The following STK25 variants were observed in gnomAD, a reference collection of about 807,000 sequenced individuals.
The protein encoded by STK25 is serine/threonine kinase 25, also known as serine/threonine-protein kinase 25.
Under a neutral mutation model 53.8 loss-of-function variants are expected in STK25, and 29 were observed. The observed-to-expected ratio is 0.54, with a 90% CI of 0.40 to 0.74. The LOEUF is 0.74. STK25 is among the 30% of genes least tolerant of loss of function. STK25 has a pLI of 0.00. For synonymous variants in STK25, 247 were observed against 238.3 expected, an observed-to-expected ratio of 1.04 and a Z score of -0.33; for missense variants, 420 against 568.0, an observed-to-expected ratio of 0.74 and a Z score of 2.65.
At chr2:241,505,356 AG>A (rs2065762593) in intron 2 of STK25, among the ~76,000 whole-genome samples, 1 of 152,066 alleles carries the variant, frequency 6.6e-6, no homozygotes. Context: ...AAAGACCCCA[AG>A]GGAGTCCTCC....
chr2:241,508,864 G>T (rs2066016256), upstream of STK25, among the ~76,000 whole-genome samples: 1 of 152,160 alleles, frequency 6.6e-6, no homozygotes, highest in Non-Finnish European at 1.5e-5. Context: ...TCCCTGCCTC[G>T]CCCTCGCGGG....
In STK25 at chr2:241,493,161, G is replaced by GT; in HGVS notation, c.*2500dup. Reference sequence around the variant, plus strand: ...ATGCTTTGCCCACACACCCTGTGCTGTGTGAACAGGGAAACTGGCTCCCTT... The same window carrying GT: ...ATGCTTTGCCCACACACCCTGTGCTGTTGTGAACAGGGAAACTGGCTCCCTT... On this transcript the variant is annotated 3_prime_UTR_variant, in exon 12 of 12. Transcript: ENST00000316586. 1 of 1,191,364 alleles carries GT rather than the reference G, an allele frequency of 8.4e-7. No individual in the cohort carries two copies. The highest frequency in any genetic ancestry group is 1.5e-5 in the African/African-American group (1 of 66,416). The allele number at this position is 1,191,364 out of a possible 1,614,324, so 73.8% of individuals were successfully genotyped here.
At chr2:241,506,881 A>T (rs2065862599) in intron 2 of STK25, among the ~76,000 whole-genome samples, 1 of 152,258 alleles carries the variant, frequency 6.6e-6, no homozygotes, top group Admixed American at 6.5e-5. Flanking sequence ...CTGTTAGCTT[A>T]ATTCAGCAAC....
rs34502835 is a variant in STK25 at position 241,500,219 on chromosome 2, G to C, written c.381C>G (p.Gly127=). Residue 127 remains glycine, a synonymous_variant, in exon 5 of 12, where the codon GGC becomes GGG. Transcript: ENST00000316586. ...TGCGTTCGGAGTGCAGATAATCCAG[G>C]CCCTTCAGAATCTCCCGCAGGATCG... ...IATILREILK[G]LDYLHSERKI... The C allele has an allele frequency of 1.4e-3, 2,181 of 1,614,048 alleles. 25 individuals carry two copies. In the African/African-American group the frequency reaches 0.025, roughly 18 times the overall value.
intron 2 of STK25, among the ~76,000 whole-genome samples, chr2:241,507,558 C>G (rs762230372): frequency 2.0e-5 from 3 of 152,246 alleles, no homozygotes; most frequent in Non-Finnish European, 4.4e-5. Context: ...CTCAGCCCCT[C>G]AGCGCCCGCC....
chr2:241,494,177 AG>A lies in STK25; in HGVS notation c.*1484del, dbSNP rs1019556729. ...AACTACAAAGAACAGCAGGACACAG[AG>A]GTGACCTCTGTCCTGAGGCTTCTCA... On this transcript the variant is annotated 3_prime_UTR_variant, in exon 12 of 12. Coordinates refer to ENST00000316586, the MANE Select transcript of STK25 (RefSeq NM_001271977.2). The surrounding 1 kb of genome is among the most constrained non-coding windows in gnomAD (Gnocchi z 4.9). The A allele has an allele frequency of 8.6e-7, 1 of 1,163,940 alleles. No individual in the cohort carries two copies. Among genetic ancestry groups the A allele is most frequent in the Non-Finnish European group, 1.2e-6 (1 of 843,920 alleles). 72.1% of individuals were successfully genotyped at this position (1,163,940 alleles called of 1,614,324 possible). A position where few individuals can be genotyped will look rare whatever the true frequency, so the allele number is the denominator to read the frequency against.
rs1315040923 is a variant in STK25 at position 241,498,988 on chromosome 2, C to A, written c.771+1G>T. ...GGGACCGGGCCAGAGGCGGGCCTTACGAATCGGGGGTCTTTGTTGAGGCAG... is the reference window on the plus strand; with the variant it reads ...GGGACCGGGCCAGAGGCGGGCCTTAAGAATCGGGGGTCTTTGTTGAGGCAG... On this transcript the variant is annotated splice_donor_variant, in intron 7 of 11. Coordinates refer to ENST00000316586, the MANE Select transcript of STK25 (RefSeq NM_001271977.2). LOFTEE classifies it high-confidence loss of function. 1.2e-6 allele frequency: 2 copies of A among 1,613,530 alleles called. No homozygotes were observed. The highest frequency in any genetic ancestry group is 1.7e-5 in the Admixed American group (1 of 60,020).
chr2:241,503,812 C>G (rs915973315), intron 2 of STK25, among the ~76,000 whole-genome samples: 1 of 152,044 alleles, frequency 6.6e-6, no homozygotes, highest in African/African-American at 2.4e-5. Context: ...CTGCGGAGAC[C>G]GTGCCCACCA....
chr2:241,494,065 G>T lies in STK25; in HGVS notation c.*1597C>A, dbSNP rs1046015046. Reference sequence around the variant, plus strand: ...CAGCCGGGAGGGCCCCAAGCATCGTGCAGGATGGCCCCCAACCCTCCTCAG... The same window carrying T: ...CAGCCGGGAGGGCCCCAAGCATCGTTCAGGATGGCCCCCAACCCTCCTCAG... On this transcript the variant is annotated 3_prime_UTR_variant, in exon 12 of 12. Transcript: ENST00000316586. This position sits in a 1 kb window ranked among gnomAD's most constrained non-coding sequence, Gnocchi z 4.9. 2.1e-6 allele frequency: 3 copies of T among 1,440,042 alleles called. No homozygotes were observed. Among genetic ancestry groups the T allele is most frequent in the Non-Finnish European group, 1.8e-6 (2 of 1,098,978 alleles). 89.2% of individuals were successfully genotyped at this position (1,440,042 alleles called of 1,614,324 possible).
intron 2 of STK25, among the ~76,000 whole-genome samples, chr2:241,502,524 A>G (rs949187430): frequency 6.6e-6 from 1 of 152,074 alleles, no homozygotes; most frequent in Non-Finnish European, 1.5e-5. Context: ...GATCACCTGA[A>G]GTCAGGAGTT....
intron 2 of STK25, among the ~76,000 whole-genome samples, chr2:241,507,323 C>A (rs966391381): frequency 6.6e-6 from 1 of 152,208 alleles, no homozygotes; most frequent in African/African-American, 2.4e-5. Flanking sequence ...AAGGGCTCGC[C>A]GTAGTGGCTC....
In STK25 at chr2:241,501,877, A is replaced by C; in HGVS notation, c.31-169T>G. On this transcript the variant is annotated intron_variant, in intron 2 of 11. Coordinates refer to ENST00000316586, the MANE Select transcript of STK25 (RefSeq NM_001271977.2). The surrounding 1 kb of genome is among the most constrained non-coding windows in gnomAD (Gnocchi z 5.3). ...TTCCTTTCTCCCTTTTTGTTCAAAAACTAAACTTGGCCGGGCGTGGTGGCT... is the reference window on the plus strand; with the variant it reads ...TTCCTTTCTCCCTTTTTGTTCAAAACCTAAACTTGGCCGGGCGTGGTGGCT... 1 of 601,438 alleles carries C rather than the reference A, an allele frequency of 1.7e-6. No individual in the cohort carries two copies. The highest frequency in any genetic ancestry group is 3.0e-5 in the Admixed American group (1 of 33,688). The allele number at this position is 601,438 out of a possible 1,614,324, so 37.3% of individuals were successfully genotyped here. A position where few individuals can be genotyped will look rare whatever the true frequency, so the allele number is the denominator to read the frequency against.
chr2:241,493,597 G>GTTTT lies in STK25; in HGVS notation c.*2061_*2064dup, dbSNP rs11320829. 6.4e-5 allele frequency: 36 copies of GTTTT among 559,850 alleles called. No individual in the cohort carries two copies. The highest frequency in any genetic ancestry group is 9.2e-5 in the East Asian group (3 of 32,522). The allele number at this position is 559,850 out of a possible 1,614,324, so 34.7% of individuals were successfully genotyped here. On this transcript the variant is annotated 3_prime_UTR_variant, in exon 12 of 12. Coordinates refer to ENST00000316586, the MANE Select transcript of STK25 (RefSeq NM_001271977.2). Reference sequence around the variant, plus strand: ...CATTTCCAAAAAACAGCAATGCTTTGTTTTTTTTTTTTTTGGAGATGGCGT... The same window carrying GTTTT: ...CATTTCCAAAAAACAGCAATGCTTTGTTTTTTTTTTTTTTTTTTGGAGATGGCGT...
Position 241,494,098 on chromosome 2 carries a change from G to A in STK25, c.*1564C>T, listed in dbSNP as rs144436834. 338 of 1,475,322 alleles carry A rather than the reference G, an allele frequency of 2.3e-4. 1 individual carries two copies. The highest frequency in any genetic ancestry group is 1.8e-3 in the Middle Eastern group (10 of 5,648). 91.4% of individuals were successfully genotyped at this position (1,475,322 alleles called of 1,614,324 possible). A position where few individuals can be genotyped will look rare whatever the true frequency, so the allele number is the denominator to read the frequency against. On this transcript the variant is annotated 3_prime_UTR_variant, in exon 12 of 12. Transcript: ENST00000316586. This position sits in a 1 kb window ranked among gnomAD's most constrained non-coding sequence, Gnocchi z 4.9. ...GCCCCCAACCCTCCTCAGGGCTGGA[G>A]GGGATGGTCAGGGGGAAGGAGGAAT...
chr2:241,499,191 G>A lies in STK25; in HGVS notation c.586-17C>T, dbSNP rs777360695. On this transcript the variant is annotated splice_polypyrimidine_tract_variant and intron_variant, in intron 6 of 11. Coordinates refer to ENST00000316586, the MANE Select transcript of STK25 (RefSeq NM_001271977.2). ...GATGTCAGCCTGGACAGAACACAAG[G>A]ACTGTTGCTGCCCTGAGCACCCGAG... The A allele has an allele frequency of 3.1e-6, 5 of 1,613,800 alleles. No individual in the cohort carries two copies. The South Asian group carries it at 5.5e-5, about 18-fold the overall frequency.
In STK25 at chr2:241,496,515, T is replaced by C; in HGVS notation, c.1124A>G (p.Gln375Arg). 6.2e-7 allele frequency: 1 copy of C among 1,613,734 alleles called. No individual in the cohort carries two copies. The highest frequency in any genetic ancestry group is 1.1e-5 in the South Asian group (1 of 91,070). Reference sequence around the variant, plus strand: ...CAGCGCACCCACGCTCCCGCCGCTCTGCTTGTGCTTCTCTTTGAGCTGTGA... The same window carrying C: ...CAGCGCACCCACGCTCCCGCCGCTCCGCTTGTGCTTCTCTTTGAGCTGTGA... ...VFGELKEKHK[Q>R]SGGSVGALEE... The change falls in exon 11 of 12, where the codon CAG becomes CGG. Residue 375 changes from glutamine (Q) to arginine (R), a missense_variant. Physicochemically the swap from Gln to Arg is conservative, Grantham distance 43. Transcript: ENST00000316586. This position sits in a 1 kb window ranked among gnomAD's most constrained non-coding sequence, Gnocchi z 5.8.
chr2:241,508,468 C>T lies in STK25; in HGVS notation c.-126G>A. 9.4e-7 allele frequency: 1 copy of T among 1,066,952 alleles called. No individual in the cohort carries two copies. 66.1% of individuals were successfully genotyped at this position (1,066,952 alleles called of 1,614,324 possible). The stretch of plus-strand genomic sequence containing the variant: ...CTCCGCGGGGCTCCATCCCGGCCTC[C>T]CCCGGCCCGCTCTGCAGCGCCCGCG... On this transcript the variant is annotated 5_prime_UTR_variant, in exon 1 of 12. Coordinates refer to ENST00000316586, the MANE Select transcript of STK25 (RefSeq NM_001271977.2).
At chr2:241,508,380 C>T in intron 1 of STK25, 63 bp downstream of exon 1, 1 of 1,120,026 alleles carries the variant, frequency 8.9e-7, no homozygotes, top group Non-Finnish European at 1.1e-6. Context: ...GAGCCCCGCC[C>T]CGGGCCCCTC....
chr2:241,493,417 G>T lies in STK25; in HGVS notation c.*2245C>A, dbSNP rs773838546. The T allele has an allele frequency of 7.4e-6, 12 of 1,613,694 alleles. No individual in the cohort carries two copies. Among genetic ancestry groups the T allele is most frequent in the Admixed American group, 3.3e-5 (2 of 59,990 alleles). On this transcript the variant is annotated 3_prime_UTR_variant, in exon 12 of 12. Coordinates refer to ENST00000316586, the MANE Select transcript of STK25 (RefSeq NM_001271977.2). ...TTCAAATCCCACGTCTACTTCTTCC[G>T]GGCTGAGAGCAAGTACACATTTGAA...
Sources: allele counts gnomAD v4.1 joint callset (sites outside exome capture counted in the v4.1 genomes callset), GRCh38; gene constraint gnomAD v4.1.1; non-coding constraint Gnocchi (gnomAD v3.1); transcripts MANE v1.5; gene names NCBI Gene and HGNC (gene_info 2026-07-23, HGNC 2026-07-21).